EXOC6B: variants seen among roughly 807,000 people sequenced by gnomAD.
The protein encoded by EXOC6B is SEC15 homolog B.
A neutral mutation model predicts 113.5 loss-of-function variants in EXOC6B; 54 were observed. The ratio of observed to expected loss-of-function variants is 0.48; its 90% CI spans 0.38 to 0.60. The LOEUF (loss-of-function observed/expected upper bound fraction) is 0.60, where lower values mean the gene tolerates loss of function less well. Ranked by LOEUF, EXOC6B falls within the 20% of genes least tolerant of loss-of-function variation. The pLI, the probability that EXOC6B is intolerant of heterozygous loss-of-function variation, is 0.00. For synonymous variants in EXOC6B, 357 were observed against 339.0 expected (o/e 1.05, Z -0.58); for missense variants, 797 against 977.5 (o/e 0.82, Z 2.46).
chr2:72,682,560 G>T (rs948794321), intron 6 of EXOC6B, among the ~76,000 whole-genome samples: 2 of 151,996 alleles, frequency 1.3e-5, no homozygotes, highest in African/African-American at 4.8e-5. Context: ...GCAATGATGG[G>T]CTCACATAAA....
chr2:72,396,719 G>T (rs943487287), intron 18 of EXOC6B, among the ~76,000 whole-genome samples: 6 of 151,930 alleles, frequency 3.9e-5, no homozygotes, highest in African/African-American at 1.5e-4. Flanking sequence ...CTTATTCCTA[G>T]TGACTCCATC....
intron 6 of EXOC6B, among the ~76,000 whole-genome samples, chr2:72,577,465 T>C (rs145817776): frequency 1.3e-5 from 2 of 152,172 alleles, no homozygotes; most frequent in African/African-American, 4.8e-5. Context: ...CCCTTAACTC[T>C]ATCCTCTTGC....
intron 1 of EXOC6B, among the ~76,000 whole-genome samples, chr2:72,795,463 C>T (rs1684890384): frequency 6.6e-6 from 1 of 152,110 alleles, no homozygotes; most frequent in Non-Finnish European, 1.5e-5. Context: ...GTAGTCCCAG[C>T]TACTCAGGAG....
At chr2:72,373,855 G>A (rs1691188960) in intron 19 of EXOC6B, among the ~76,000 whole-genome samples, 1 of 152,148 alleles carries the variant, frequency 6.6e-6, no homozygotes, top group Admixed American at 6.5e-5. Context: ...ACGGTGTGGT[G>A]GCTCACGCCT....
intron 18 of EXOC6B, among the ~76,000 whole-genome samples, chr2:72,398,881 C>T (rs1416221639): frequency 6.6e-6 from 1 of 151,064 alleles, no homozygotes; most frequent in Admixed American, 6.6e-5. Flanking sequence ...TCTTTGGTAT[C>T]TAGAGTATAA....
chr2:72,364,489 A>G (rs1180237585), intron 19 of EXOC6B, among the ~76,000 whole-genome samples: 1 of 152,188 alleles, frequency 6.6e-6, no homozygotes, highest in Admixed American at 6.6e-5. Context: ...ACAAATACCA[A>G]ATGGCTTTTC....
intron 17 of EXOC6B, among the ~76,000 whole-genome samples, chr2:72,476,830 T>A (rs1698775014): frequency 6.6e-6 from 1 of 152,242 alleles, no homozygotes; most frequent in South Asian, 2.1e-4. Flanking sequence ...ACTGCCATCC[T>A]AATTCTATGC....
chr2:72,693,745 A>G (rs1677668062), intron 6 of EXOC6B, among the ~76,000 whole-genome samples: 1 of 152,056 alleles, frequency 6.6e-6, no homozygotes, highest in African/African-American at 2.4e-5. Context: ...CCCTAATCTG[A>G]TACCTATTCT....
At chr2:72,525,515 C>A (rs1042329045) in intron 8 of EXOC6B, among the ~76,000 whole-genome samples, 1 of 152,100 alleles carries the variant, frequency 6.6e-6, no homozygotes, top group Non-Finnish European at 1.5e-5. Flanking sequence ...CAAAGGCAGA[C>A]TTCCTCAATG....
intron 8 of EXOC6B, among the ~76,000 whole-genome samples, chr2:72,526,626 A>C (rs1701757661): frequency 1.3e-5 from 2 of 151,986 alleles, no homozygotes; most frequent in South Asian, 4.1e-4. Context: ...TCATTAACAG[A>C]AACTGTACAG....
chr2:72,179,576 A>G, intron 21 of EXOC6B, 115 bp from the exon 22 acceptor site: 5 of 1,207,824 alleles, frequency 4.1e-6, no homozygotes, highest in Non-Finnish European at 6.0e-6. Flanking sequence ...GTAATGAGAG[A>G]GTCCAGAATA....
intron 1 of EXOC6B, among the ~76,000 whole-genome samples, chr2:72,781,853 T>G (rs996802216): frequency 6.6e-6 from 1 of 151,918 alleles, no homozygotes; most frequent in East Asian, 1.9e-4. Context: ...ATATTGAGTA[T>G]ATAGGCCAGG....
At chr2:72,617,524 T>TC (rs937580811) in intron 6 of EXOC6B, among the ~76,000 whole-genome samples, 7 of 137,660 alleles carry the variant, frequency 5.1e-5, no homozygotes, top group African/African-American at 1.1e-4. Flanking sequence ...TTTCTTTTTT[T>TC]TTTTTTTTTT....
chr2:72,366,316 AATAG>A (rs1047819472), intron 19 of EXOC6B, among the ~76,000 whole-genome samples: 3 of 152,124 alleles, frequency 2.0e-5, no homozygotes, highest in African/African-American at 7.2e-5. Context: ...AATACATTGA[AATAG>A]ATAAACAGCA....
At chr2:72,427,534 G>A (rs897875140) in intron 18 of EXOC6B, among the ~76,000 whole-genome samples, 1 of 152,224 alleles carries the variant, frequency 6.6e-6, no homozygotes, top group African/African-American at 2.4e-5. Context: ...ATGTTCGGGA[G>A]CAGCACTGAC....
chr2:72,602,968 C>G (rs899627623), intron 6 of EXOC6B, among the ~76,000 whole-genome samples: 2 of 151,988 alleles, frequency 1.3e-5, no homozygotes, highest in African/African-American at 4.8e-5. Context: ...CAGCCCCTCT[C>G]TCCCCCATAA....
chr2:72,224,994 G>GTGTGTGTATATATA (rs908047817), intron 20 of EXOC6B, among the ~76,000 whole-genome samples: 2 of 137,248 alleles, frequency 1.5e-5, no homozygotes, highest in African/African-American at 2.6e-5. Flanking sequence ...GTGTGTGTGT[G>GTGTGTGTATATATA]TATATATATA....
At chr2:72,233,617 G>A (rs575545016) in intron 20 of EXOC6B, among the ~76,000 whole-genome samples, 2 of 152,258 alleles carry the variant, frequency 1.3e-5, no homozygotes, top group East Asian at 3.9e-4. Context: ...TGAGTCCAGG[G>A]GGACCTCTAC....
intron 1 of EXOC6B, among the ~76,000 whole-genome samples, chr2:72,794,574 A>T (rs1684844660): frequency 6.6e-6 from 1 of 152,242 alleles, no homozygotes; most frequent in Non-Finnish European, 1.5e-5. Flanking sequence ...GAAGGTGCTG[A>T]TAGATTATGA....
Sources: gnomAD v4.1 joint callset for allele counts (sites outside exome capture counted in the v4.1 genomes callset) on GRCh38, gnomAD v4.1.1 for gene constraint, MANE v1.5 for transcripts, NCBI Gene and HGNC (gene_info 2026-07-23, HGNC 2026-07-21) for gene names.